RANBP17: variants seen among roughly 807,000 people sequenced by gnomAD.
The protein encoded by RANBP17 is RAN binding protein 17, also known as ran-binding protein 17.
RANBP17 carries 158 observed loss-of-function variants against 141.2 expected under a neutral mutation model. The ratio of observed to expected loss-of-function variants is 1.12; its 90% CI spans 0.98 to 1.28. The LOEUF is 1.28. Ranked by LOEUF, RANBP17 falls within the 50% of genes most tolerant of loss-of-function variation. RANBP17 has a pLI of 0.00. For synonymous variants in RANBP17, 430 were observed against 450.0 expected (o/e 0.96, Z 0.56); for missense variants, 1,438 against 1,290.7 (o/e 1.11, Z -1.75).
rs189577931 is a variant in RANBP17, at chr5:171,098,266, G to A, written c.1711-71864G>A. 3.9e-4 allele frequency among the ~76,000 whole-genome samples: 60 copies of A among 152,168 alleles called. 1 individual carries two copies. The highest frequency in any genetic ancestry group is 1.1e-3 in the African/African-American group (44 of 41,538). ...ACACTCTCACTAACATTATAAAAGC[G>A]TTTCTATTTTTTCACATCCTCTCCA... On this transcript the variant is annotated intron_variant, in intron 14 of 27. Transcript: ENST00000523189.
At chr5:171,058,153 G>C (rs938988502) in intron 14 of RANBP17, among the ~76,000 whole-genome samples, 9 of 151,468 alleles carry the variant, frequency 5.9e-5, no homozygotes, top group Admixed American at 2.0e-4. Flanking sequence ...CTAATAAAAT[G>C]TATTTTTTTA....
chr5:171,062,227 G>C (rs1403173650), intron 14 of RANBP17, among the ~76,000 whole-genome samples: 1 of 152,166 alleles, frequency 6.6e-6, no homozygotes, highest in African/African-American at 2.4e-5. Context: ...GATTTTGCTC[G>C]TTAGTTGATG....
intron 3 of RANBP17, among the ~76,000 whole-genome samples, chr5:170,889,069 T>C (rs1769391616): frequency 6.6e-6 from 1 of 151,982 alleles, no homozygotes; most frequent in South Asian, 2.1e-4. Context: ...TTCTTTTTTT[T>C]TGTAGTTTCT....
intron 14 of RANBP17, among the ~76,000 whole-genome samples, chr5:171,095,277 T>C (rs373380170): frequency 1.1e-3 from 160 of 152,316 alleles, no homozygotes; most frequent in African/African-American, 3.8e-3. Flanking sequence ...TCTTATATTA[T>C]TTTACTCTAT....
At chr5:171,270,527 CTG>C (rs1027230100) in intron 25 of RANBP17, among the ~76,000 whole-genome samples, 1 of 152,166 alleles carries the variant, frequency 6.6e-6, no homozygotes, top group Admixed American at 6.5e-5. Context: ...AGATAAGACA[CTG>C]ATCTGCTACA....
intron 22 of RANBP17, among the ~76,000 whole-genome samples, chr5:171,222,763 T>C (rs1763649070): frequency 6.6e-6 from 1 of 152,122 alleles, no homozygotes; most frequent in African/African-American, 2.4e-5. Context: ...CCCGAGTAGC[T>C]GTGGTTATAG....
chr5:171,259,964 G>C (rs1160549897), intron 24 of RANBP17, among the ~76,000 whole-genome samples: 1 of 151,894 alleles, frequency 6.6e-6, no homozygotes, highest in African/African-American at 2.4e-5. Context: ...CTGGGCAACA[G>C]AGCGAGACTG....
chr5:170,946,887 A>G (rs193239169), intron 12 of RANBP17, among the ~76,000 whole-genome samples: 1 of 152,332 alleles, frequency 6.6e-6, no homozygotes, highest in East Asian at 1.9e-4. Context: ...TAGACCATTA[A>G]AAACATACTT....
chr5:170,884,597 A>G (rs1392924432), intron 3 of RANBP17, among the ~76,000 whole-genome samples: 3 of 152,092 alleles, frequency 2.0e-5, no homozygotes, highest in Non-Finnish European at 4.4e-5. Flanking sequence ...TCGGGGTGGC[A>G]GAGGCAGAGG....
At chr5:171,297,967 C>T (rs1212504993) in intron 27 of RANBP17, among the ~76,000 whole-genome samples, 11 of 150,464 alleles carry the variant, frequency 7.3e-5, no homozygotes, top group Admixed American at 5.3e-4. Context: ...GTGATTCTTC[C>T]CACCTCAGCC....
At chr5:170,983,233 G>GAGCA in intron 14 of RANBP17, 1 of 345,594 alleles carries the variant, frequency 2.9e-6, no homozygotes, top group Non-Finnish European at 5.4e-6. Context: ...GTTCAAACTG[G>GAGCA]AGCAGATGGA....
At chr5:171,136,017 G>A (rs79019401) in intron 14 of RANBP17, among the ~76,000 whole-genome samples, 3,349 of 152,264 alleles carry the variant, frequency 0.022, 54 homozygotes, top group Middle Eastern at 0.058. Context: ...TACATGTGAG[G>A]ACAGGTGCTA....
chr5:171,137,571 G>GGGGTGTGTGTGTGTGT (rs757634108), intron 14 of RANBP17, among the ~76,000 whole-genome samples: 1 of 63,054 alleles, frequency 1.6e-5, no homozygotes, highest in African/African-American at 4.9e-5. Flanking sequence ...GTTGACTTGA[G>GGGGTGTGTGTGTGTGT]ATGTGTGTGT....
chr5:171,030,871 T>C lies in RANBP17; in HGVS notation c.1710+62494T>C, dbSNP rs1329902606. ...TTAGCAGACTACAAAGGATGCTTGA[T>C]GGTTGTATCTGACTGGCTTTGGAAA... is the stretch of plus-strand genomic sequence containing the variant. On this transcript the variant is annotated intron_variant, in intron 14 of 27. Transcript: ENST00000523189. Among the ~76,000 whole-genome samples, 3 of 152,050 alleles carry C rather than the reference T, an allele frequency of 2.0e-5. No individual in the cohort carries two copies. The East Asian group carries it at 5.8e-4, about 29-fold the overall frequency.
chr5:170,880,669 T>C (rs1768584134), intron 2 of RANBP17, among the ~76,000 whole-genome samples: 1 of 152,236 alleles, frequency 6.6e-6, no homozygotes, highest in Non-Finnish European at 1.5e-5. Context: ...CAGCATGTAT[T>C]GTATTCTTTT....
intron 16 of RANBP17, among the ~76,000 whole-genome samples, chr5:171,174,995 C>G (rs920262553): frequency 2.6e-5 from 4 of 152,052 alleles, no homozygotes; most frequent in Non-Finnish European, 5.9e-5. Context: ...ATTCCCCTCC[C>G]TGTGTCCATG....
rs1561793952 is a variant in RANBP17, at chr5:171,242,671, CTG to C, written c.2638-7_2638-6del. The C allele has an allele frequency of 2.5e-6, 4 of 1,612,214 alleles. No individual in the cohort carries two copies. In the African/African-American group the frequency reaches 4.0e-5, roughly 16 times the overall value. On this transcript the variant is annotated splice_polypyrimidine_tract_variant and intron_variant, in intron 23 of 27. Transcript: ENST00000523189. ...CTGTGGCTTGACATTTAGTATATCT[CTG>C]TGTTGTAGCAATACCGGAAACTGAG... is the stretch of plus-strand genomic sequence containing the variant.
chr5:170,868,309 T>C (rs1428088870), intron 1 of RANBP17, among the ~76,000 whole-genome samples: 2 of 152,084 alleles, frequency 1.3e-5, no homozygotes, highest in Non-Finnish European at 2.9e-5. Flanking sequence ...AGTGCAGTGG[T>C]GGGATCTTGG....
intron 14 of RANBP17, among the ~76,000 whole-genome samples, chr5:171,008,063 A>T (rs905932869): frequency 6.6e-6 from 1 of 152,156 alleles, no homozygotes; most frequent in Non-Finnish European, 1.5e-5. Flanking sequence ...CCAGTGGAAT[A>T]TGGGTGAATA....
Sources: gnomAD v4.1 joint callset for allele counts (sites outside exome capture counted in the v4.1 genomes callset) on GRCh38, gnomAD v4.1.1 for gene constraint, MANE v1.5 for transcripts, NCBI Gene and HGNC (gene_info 2026-07-23, HGNC 2026-07-21) for gene names.